NKAIN2: variants seen among roughly 807,000 people sequenced by gnomAD.
The protein encoded by NKAIN2 is sodium/potassium-transporting ATPase subunit beta-1-interacting protein 2.
A neutral mutation model predicts 32.6 loss-of-function variants in NKAIN2; 14 were observed. That is an observed-to-expected ratio of 0.43 (90% CI 0.28 to 0.67). The LOEUF (loss-of-function observed/expected upper bound fraction) is 0.67. NKAIN2 is among the 30% of genes least tolerant of loss of function. The pLI is 0.17. For synonymous variants in NKAIN2, 80 were observed against 87.2 expected (o/e 0.92, Z 0.46); for missense variants, 198 against 258.3 (o/e 0.77, Z 1.60).
intron 2 of NKAIN2, among the ~76,000 whole-genome samples, chr6:124,324,210 T>C (rs72963901): frequency 0.033 from 4,972 of 152,310 alleles, 83 homozygotes; most frequent in Non-Finnish European, 0.039. Context: ...AATTGGCATC[T>C]TTACTACGAT....
chr6:124,417,489 C>CTTAT (rs10569310), intron 3 of NKAIN2, among the ~76,000 whole-genome samples: 149 of 151,266 alleles, frequency 9.9e-4, no homozygotes, highest in Non-Finnish European at 1.6e-3. Flanking sequence ...GCTAATCTTG[C>CTTAT]TTATTTATTT....
intron 1 of NKAIN2, among the ~76,000 whole-genome samples, chr6:123,918,817 T>C (rs1562257602): frequency 6.6e-6 from 1 of 152,136 alleles, no homozygotes; most frequent in Non-Finnish European, 1.5e-5. Flanking sequence ...TAATGAGATA[T>C]AAAAGTATGT....
At chr6:124,228,852 T>A (rs1792268016) in intron 1 of NKAIN2, among the ~76,000 whole-genome samples, 1 of 152,222 alleles carries the variant, frequency 6.6e-6, no homozygotes, top group Non-Finnish European at 1.5e-5. Context: ...GTATACCAGA[T>A]ATACTTTCAA....
At chr6:124,526,627 G>GAATCCAT (rs1272614058) in intron 3 of NKAIN2, among the ~76,000 whole-genome samples, 1 of 152,162 alleles carries the variant, frequency 6.6e-6, no homozygotes, top group African/African-American at 2.4e-5. Flanking sequence ...GAAAGAAAAT[G>GAATCCAT]AATCCATAAT....
intron 3 of NKAIN2, among the ~76,000 whole-genome samples, chr6:124,640,630 C>T (rs1324665774): frequency 6.6e-6 from 1 of 152,122 alleles, no homozygotes; most frequent in African/African-American, 2.4e-5. Context: ...ATTATCGTAA[C>T]CAGCTGAGAA....
chr6:124,546,514 A>G (rs1236462136), intron 3 of NKAIN2, among the ~76,000 whole-genome samples: 4 of 151,840 alleles, frequency 2.6e-5, no homozygotes, highest in African/African-American at 9.7e-5. Context: ...CATATATTAC[A>G]TATATAAGAT....
rs554590586 is a variant in NKAIN2, at chr6:123,904,365, G to A, written c.54+100111G>A. Among the ~76,000 whole-genome samples, 73 of 152,260 alleles carry A rather than the reference G, an allele frequency of 4.8e-4. 1 individual carries two copies. The highest frequency in any genetic ancestry group is 1.7e-3 in the African/African-American group (69 of 41,550). On this transcript the variant is annotated intron_variant, in intron 1 of 6. Transcript: ENST00000368417. ...TATAAAAATGTCAACCAGTTATCAG[G>A]GCATAATGCCAGGTCATCTATGTGT...
intron 1 of NKAIN2, among the ~76,000 whole-genome samples, chr6:124,069,394 G>A (rs1434524226): frequency 2.6e-5 from 4 of 152,190 alleles, no homozygotes; most frequent in South Asian, 2.1e-4. Flanking sequence ...TAGTTAGGAC[G>A]TTCATCCACT....
intron 3 of NKAIN2, among the ~76,000 whole-genome samples, chr6:124,439,403 G>T (rs958081513): frequency 6.6e-6 from 1 of 151,442 alleles, no homozygotes; most frequent in Non-Finnish European, 1.5e-5. Context: ...TGTTTTGGGT[G>T]GACGACTACA....
At chr6:124,763,552 T>A (rs111408909) in intron 4 of NKAIN2, among the ~76,000 whole-genome samples, 1,635 of 152,156 alleles carry the variant, frequency 0.011, 41 homozygotes, top group African/African-American at 0.037. Context: ...AATCCAATCA[T>A]CTCCCACCAG....
chr6:123,953,697 C>G (rs894297499), intron 1 of NKAIN2, among the ~76,000 whole-genome samples: 1 of 152,140 alleles, frequency 6.6e-6, no homozygotes, highest in South Asian at 2.1e-4. Flanking sequence ...GTTTGGACAC[C>G]TTTGAGTTGG....
At chr6:123,872,878 T>A (rs1772968501) in intron 1 of NKAIN2, among the ~76,000 whole-genome samples, 1 of 152,194 alleles carries the variant, frequency 6.6e-6, no homozygotes, top group African/African-American at 2.4e-5. Context: ...CTCCAGGAAA[T>A]TAATCCTTAT....
chr6:124,287,285 A>G (rs191528076), intron 2 of NKAIN2, among the ~76,000 whole-genome samples: 1 of 152,316 alleles, frequency 6.6e-6, no homozygotes. Flanking sequence ...GGCATTTGCT[A>G]TATTTGAAGA....
At chr6:124,264,271 C>A (rs77752892) in intron 1 of NKAIN2, among the ~76,000 whole-genome samples, 1 of 152,066 alleles carries the variant, frequency 6.6e-6, no homozygotes, top group Non-Finnish European at 1.5e-5. Context: ...GCTTCTAGTA[C>A]GCAGATGCCT....
chr6:124,238,447 T>C (rs527558109), intron 1 of NKAIN2, among the ~76,000 whole-genome samples: 5 of 152,138 alleles, frequency 3.3e-5, no homozygotes, highest in East Asian at 1.9e-4. Context: ...ATTTTTGAAA[T>C]GTTGTGGAAA....
At chr6:124,606,891 G>C (rs539836833) in intron 3 of NKAIN2, among the ~76,000 whole-genome samples, 2 of 152,136 alleles carry the variant, frequency 1.3e-5, no homozygotes, top group South Asian at 4.1e-4. Context: ...TTCAAGAAAG[G>C]ACCACAATTA....
chr6:124,728,717 C>A (rs1382090592), intron 4 of NKAIN2, among the ~76,000 whole-genome samples: 2 of 148,124 alleles, frequency 1.4e-5, no homozygotes, highest in Non-Finnish European at 3.0e-5. Context: ...CAGAGCAGAA[C>A]TGAAGGAAAT....
At chr6:124,623,260 C>T (rs761645192) in intron 3 of NKAIN2, among the ~76,000 whole-genome samples, 12 of 151,984 alleles carry the variant, frequency 7.9e-5, no homozygotes, top group African/African-American at 2.9e-4. Context: ...ATATCATTCA[C>T]CTCAGAACTA....
intron 1 of NKAIN2, among the ~76,000 whole-genome samples, chr6:124,087,540 C>T (rs1446963175): frequency 2.0e-5 from 3 of 151,982 alleles, no homozygotes; most frequent in East Asian, 1.9e-4. Context: ...CAAAAAACTT[C>T]CTGGAACTAA....
Sources: gnomAD v4.1 joint callset for allele counts (sites outside exome capture counted in the v4.1 genomes callset) on GRCh38, gnomAD v4.1.1 for gene constraint, MANE v1.5 for transcripts, NCBI Gene and HGNC (gene_info 2026-07-23, HGNC 2026-07-21) for gene names.